The following CS variants were observed in gnomAD, a reference collection of about 807,000 sequenced individuals.
CS encodes the protein citrate synthase, mitochondrial.
A neutral mutation model predicts 61.4 loss-of-function variants in CS; 13 were observed. The ratio of observed to expected loss-of-function variants is 0.21; its 90% CI spans 0.14 to 0.34. CS has a LOEUF of 0.34. CS is among the 10% of genes least tolerant of loss of function. CS has a pLI of 1.00. For synonymous variants in CS, 159 were observed against 215.2 expected (o/e 0.74, Z 2.29); for missense variants, 278 against 573.4 (o/e 0.48, Z 5.26).
chr12:56,274,705 T>C lies in CS; in HGVS notation c.1020+72A>G. On this transcript the variant is annotated intron_variant, in intron 9 of 10. Transcript: ENST00000351328. ...TCTAATTTAGGGACCTCTTTCATTCTTTTCTTAATTCTTCCAAATTGCAGA... is the reference window on the plus strand; with the variant it reads ...TCTAATTTAGGGACCTCTTTCATTCCTTTCTTAATTCTTCCAAATTGCAGA... 4 of 1,231,900 alleles carry C rather than the reference T, an allele frequency of 3.2e-6. No individual in the cohort carries two copies. In the South Asian group the frequency reaches 6.4e-5, roughly 20 times the overall value. The allele number at this position is 1,231,900 out of a possible 1,614,324, so 76.3% of individuals were successfully genotyped here.
At chr12:56,281,758 C>T (rs889959226) in intron 6 of CS, among the ~76,000 whole-genome samples, 4 of 152,084 alleles carry the variant, frequency 2.6e-5, no homozygotes, top group African/African-American at 7.2e-5. Context: ...AGCAATCCTC[C>T]CACCTCAGCA....
intron 4 of CS, among the ~76,000 whole-genome samples, chr12:56,283,256 T>A (rs1374935616): frequency 6.6e-6 from 1 of 152,162 alleles, no homozygotes; most frequent in Non-Finnish European, 1.5e-5. Context: ...AATTTTCTTT[T>A]TTTTTGAGAC....
At chr12:56,273,407 T>C (rs1565618611) in intron 10 of CS, 153 bp from the exon 11 acceptor site, 5 of 971,930 alleles carry the variant, frequency 5.1e-6, no homozygotes, top group Non-Finnish European at 7.6e-6. Context: ...GAGAAAAGTA[T>C]AGCAATTGGG....
At chr12:56,283,664 G>T in intron 4 of CS, 128 bp downstream of exon 4, 1 of 659,904 alleles carries the variant, frequency 1.5e-6, no homozygotes, top group Non-Finnish European at 2.7e-6. Context: ...CCATACATAT[G>T]TCTTCTCTAC....
At chr12:56,291,353 CTTT>C (rs879317710) in intron 1 of CS, 10 of 688,672 alleles carry the variant, frequency 1.5e-5, no homozygotes, top group South Asian at 5.8e-5. Flanking sequence ...TTCTTTCTTT[CTTT>C]TTTTTTTTTA....
chr12:56,300,128 G>A, intron 1 of CS, 32 bp downstream of exon 1: 1 of 1,551,024 alleles, frequency 6.4e-7, no homozygotes, highest in South Asian at 1.2e-5. Flanking sequence ...GCCCCACCCT[G>A]GGACGGCGTG....
chr12:56,275,732 TGAAG>T (rs1872609060), intron 7 of CS: 1 of 509,536 alleles, frequency 2.0e-6, no homozygotes, highest in African/African-American at 1.9e-5. Flanking sequence ...CCTGGAAAGC[TGAAG>T]GACCATCTAA....
Position 56,273,799 on chromosome 12 carries a change from G to A in CS, c.1021-3C>T. On this transcript the variant is annotated splice_polypyrimidine_tract_variant and splice_region_variant and intron_variant, in intron 9 of 10. Coordinates refer to ENST00000351328, the MANE Select transcript of CS (RefSeq NM_004077.3). ...GCATGGCCATAGCCTGGAACAACCT[G>A]TAAAGAGTGAGGAAAAAAGATAGTA... The A allele has an allele frequency of 6.2e-7, 1 of 1,609,970 alleles. No homozygotes were observed. The highest frequency in any genetic ancestry group is 2.2e-5 in the East Asian group (1 of 44,858).
intron 6 of CS, among the ~76,000 whole-genome samples, chr12:56,279,405 G>A (rs1465311316): frequency 3.9e-5 from 6 of 151,904 alleles, no homozygotes; most frequent in Admixed American, 2.0e-4. Context: ...TTGTGAGGCC[G>A]AGGCAGGCAG....
rs566858255 is a variant in CS at position 56,293,577 on chromosome 12, C to T, written c.42+6583G>A. ...ACTAAAAATACAAAAATTAGCCAGG[C>T]GTGGTGGCACATGCCTATAGTCCCA... is the stretch of plus-strand genomic sequence containing the variant. On this transcript the variant is annotated intron_variant, in intron 1 of 10. Coordinates refer to ENST00000351328, the MANE Select transcript of CS (RefSeq NM_004077.3). Among the ~76,000 whole-genome samples, 16 of 152,146 alleles carry T rather than the reference C, an allele frequency of 1.1e-4. No homozygotes were observed. The South Asian group carries it at 2.7e-3, about 26-fold the overall frequency.
intron 1 of CS, 84 bp downstream of exon 1, chr12:56,300,066 CGCACGGGTGT>C (rs1873437799): frequency 1.6e-6 from 2 of 1,281,558 alleles, no homozygotes; most frequent in East Asian, 5.4e-5. Flanking sequence ...GCGCAGGGTG[CGCACGGGTGT>C]GGGAGGGAGA....
At chr12:56,298,344 G>A (rs1398226613) in intron 1 of CS, among the ~76,000 whole-genome samples, 1 of 152,104 alleles carries the variant, frequency 6.6e-6, no homozygotes, top group Non-Finnish European at 1.5e-5. Context: ...ACTGATAGGT[G>A]ACTAGGATCG....
intron 1 of CS, among the ~76,000 whole-genome samples, chr12:56,289,820 G>A (rs1873059837): frequency 6.6e-6 from 1 of 152,030 alleles, no homozygotes; most frequent in African/African-American, 2.4e-5. Flanking sequence ...GAACTCCTGG[G>A]CTCAAGCGAT....
intron 6 of CS, 76 bp downstream of exon 6, chr12:56,282,344 G>A (rs912068735): frequency 3.3e-6 from 4 of 1,211,808 alleles, no homozygotes; most frequent in Non-Finnish European, 4.5e-6. Flanking sequence ...TAAAGATTCT[G>A]TATTTTTTCC....
rs1356700847 is a variant in CS, at chr12:56,272,147, G to A, written c.*937C>T. 4 of 289,586 alleles carry A rather than the reference G, an allele frequency of 1.4e-5. No individual in the cohort carries two copies. Among genetic ancestry groups the A allele is most frequent in the South Asian group, 2.9e-5 (1 of 34,032 alleles). The allele number at this position is 289,586 out of a possible 1,614,324, so 17.9% of individuals were successfully genotyped here. A position where few individuals can be genotyped will look rare whatever the true frequency, so the allele number is the denominator to read the frequency against. Reference sequence around the variant, plus strand: ...TTCAAAAAGAGGTGCTAATACCCCGGGGACAAGACTCTGAAAATATCATGC... The same window carrying A: ...TTCAAAAAGAGGTGCTAATACCCCGAGGACAAGACTCTGAAAATATCATGC... On this transcript the variant is annotated 3_prime_UTR_variant, in exon 11 of 11. Transcript: ENST00000351328.
chr12:56,283,733 C>T (rs1043739618), intron 4 of CS, 59 bp downstream of exon 4: 59 of 1,316,898 alleles, frequency 4.5e-5, no homozygotes, highest in African/African-American at 8.7e-5. Flanking sequence ...GTCTAATCCA[C>T]GGTTTGCGTA....
rs1003543983 is a variant in CS at position 56,275,287 on chromosome 12, A to C, written c.789-156T>G. 4 of 884,984 alleles carry C rather than the reference A, an allele frequency of 4.5e-6. No individual in the cohort carries two copies. The African/African-American group carries it at 5.0e-5, about 11-fold the overall frequency. The allele number at this position is 884,984 out of a possible 1,614,324, so 54.8% of individuals were successfully genotyped here. On this transcript the variant is annotated intron_variant, in intron 7 of 10. Coordinates refer to ENST00000351328, the MANE Select transcript of CS (RefSeq NM_004077.3). ...CCTAAACTCTTGTAAAAGACATCCT[A>C]ATCTTGGCCAGGCACAGTGGCTCAC...
chr12:56,298,615 C>T lies in CS; in HGVS notation c.42+1545G>A, dbSNP rs949415294. 10 of 985,236 alleles carry T rather than the reference C, an allele frequency of 1.0e-5. No individual in the cohort carries two copies. In the African/African-American group the frequency reaches 1.6e-4, roughly 15 times the overall value. The allele number at this position is 985,236 out of a possible 1,614,324, so 61.0% of individuals were successfully genotyped here. ...TCCCAAGAGGTTTCCTTACCCTTTT[C>T]CCCAGCAGCAGGAGAAGCAACAGCC... On this transcript the variant is annotated intron_variant, in intron 1 of 10. Coordinates refer to ENST00000351328, the MANE Select transcript of CS (RefSeq NM_004077.3).
chr12:56,285,299 T>C (rs1479189439), intron 3 of CS: 5 of 436,232 alleles, frequency 1.1e-5, no homozygotes, highest in Non-Finnish European at 1.8e-5. Flanking sequence ...TTGTTTGTTT[T>C]GGAGATAGGG....
Sources: allele counts gnomAD v4.1 joint callset (sites outside exome capture counted in the v4.1 genomes callset), GRCh38; gene constraint gnomAD v4.1.1; transcripts MANE v1.5; gene names NCBI Gene and HGNC (gene_info 2026-07-23, HGNC 2026-07-21).